The following MARCHF4 variants were observed in gnomAD, a reference collection of about 807,000 sequenced individuals.
MARCHF4 encodes membrane associated ring-CH-type finger 4.
In MARCHF4, 14 loss-of-function variants were observed where a neutral mutation model predicts 43.9. The observed-to-expected ratio is 0.32, with a 90% CI of 0.21 to 0.50. The LOEUF (loss-of-function observed/expected upper bound fraction) is 0.50. Ranked by LOEUF, MARCHF4 falls within the 20% of genes least tolerant of loss-of-function variation. The probability of loss-of-function intolerance (pLI) is 0.98; values close to 1 mark genes in which losing one functional copy is unlikely to be tolerated. For synonymous variants in MARCHF4, 226 were observed against 213.3 expected (o/e 1.06, Z -0.52); for missense variants, 468 against 536.7 (o/e 0.87, Z 1.27).
At chr2:216,332,296 G>A (rs1340759470) in intron 1 of MARCHF4, among the ~76,000 whole-genome samples, 2 of 151,602 alleles carry the variant, frequency 1.3e-5, no homozygotes, top group Non-Finnish European at 2.9e-5. Flanking sequence ...GGACGCTGAG[G>A]CACAAGAATC....
chr2:216,268,913 C>T (rs1157245687), intron 3 of MARCHF4, among the ~76,000 whole-genome samples: 1 of 152,092 alleles, frequency 6.6e-6, no homozygotes, highest in African/African-American at 2.4e-5. Flanking sequence ...ATCCTGCTGC[C>T]CCCATCCTCT....
At chr2:216,354,908 TTTC>T (rs1692462967) in intron 1 of MARCHF4, among the ~76,000 whole-genome samples, 1 of 74,108 alleles carries the variant, frequency 1.3e-5, no homozygotes, top group Non-Finnish European at 2.6e-5. Flanking sequence ...TCTTTCTTTC[TTTC>T]TTTCTTTCTT....
intron 1 of MARCHF4, among the ~76,000 whole-genome samples, chr2:216,300,133 G>A (rs1038655734): frequency 9.9e-5 from 15 of 151,956 alleles, no homozygotes; most frequent in African/African-American, 3.1e-4. Flanking sequence ...TGTGACCTTG[G>A]GCAATTCCCT....
Position 216,321,227 on chromosome 2 carries a change from C to A in MARCHF4, c.517-37498G>T, listed in dbSNP as rs115803284. Among the ~76,000 whole-genome samples, 317 of 152,084 alleles carry A rather than the reference C, an allele frequency of 2.1e-3. 2 individuals carry two copies. Among genetic ancestry groups the A allele is most frequent in the African/African-American group, 7.5e-3 (312 of 41,480 alleles). On this transcript the variant is annotated intron_variant, in intron 1 of 3. Coordinates refer to ENST00000273067, the MANE Select transcript of MARCHF4 (RefSeq NM_020814.3). ...CCTCCCATCCATTCATTCAGTCAAA[C>A]AAATATTAAATTAGATACCGACTAT... is the stretch of plus-strand genomic sequence containing the variant.
At chr2:216,364,703 A>T (rs1217074416) in intron 1 of MARCHF4, among the ~76,000 whole-genome samples, 4 of 152,218 alleles carry the variant, frequency 2.6e-5, no homozygotes, top group Admixed American at 2.6e-4. Flanking sequence ...GAGCTTGGAC[A>T]AGCCAGCAGG....
At position 216,259,474 on chromosome 2, in the gene MARCHF4, A is replaced by C. The variant is rs1381198907; in HGVS notation, c.1071T>G (p.Pro357=). Residue 357 remains proline (P), a synonymous_variant, in exon 4 of 4, where the codon CCT becomes CCG. Coordinates refer to ENST00000273067, the MANE Select transcript of MARCHF4 (RefSeq NM_020814.3). Reference sequence around the variant, plus strand: ...CGGCAGCCTGGGCAGGGCCCTGCTCAGGGGCAGGGGTGCCTGCGGTCTCCT... The same window carrying C: ...CGGCAGCCTGGGCAGGGCCCTGCTCCGGGGCAGGGGTGCCTGCGGTCTCCT... ...SEEETAGTPA[P]EQGPAQAAGH... is the part of the protein sequence containing the mutation. 2.5e-6 allele frequency: 4 copies of C among 1,613,962 alleles called. No homozygotes were observed. The highest frequency in any genetic ancestry group is 1.3e-5 in the African/African-American group (1 of 74,888).
At chr2:216,298,483 C>A (rs993201500) in intron 1 of MARCHF4, among the ~76,000 whole-genome samples, 2 of 152,060 alleles carry the variant, frequency 1.3e-5, no homozygotes, top group African/African-American at 4.8e-5. Flanking sequence ...CCAGGCTGGT[C>A]TCAAACTCCT....
chr2:216,262,467 A>C (rs1203266714), intron 3 of MARCHF4, among the ~76,000 whole-genome samples: 2 of 152,212 alleles, frequency 1.3e-5, no homozygotes, highest in Non-Finnish European at 2.9e-5. Flanking sequence ...TGGGGATGAG[A>C]ATACGAAAGG....
chr2:216,353,116 G>A (rs1376790394), intron 1 of MARCHF4, among the ~76,000 whole-genome samples: 1 of 152,034 alleles, frequency 6.6e-6, no homozygotes, highest in Admixed American at 6.5e-5. Flanking sequence ...TCTAACCACG[G>A]AGCCTAACTT....
chr2:216,284,448 G>C (rs1052858359), intron 1 of MARCHF4, among the ~76,000 whole-genome samples: 4 of 152,138 alleles, frequency 2.6e-5, no homozygotes, highest in Admixed American at 6.6e-5. Flanking sequence ...GATGGCCATG[G>C]CTGAAACCTG....
chr2:216,310,065 G>A (rs73988366), intron 1 of MARCHF4, among the ~76,000 whole-genome samples: 1,589 of 149,792 alleles, frequency 0.011, 25 homozygotes, highest in African/African-American at 0.037. Flanking sequence ...CCCATTTTAT[G>A]ATAGGCAAAG....
At chr2:216,299,461 C>G (rs1208076080) in intron 1 of MARCHF4, among the ~76,000 whole-genome samples, 1 of 152,072 alleles carries the variant, frequency 6.6e-6, no homozygotes, top group African/African-American at 2.4e-5. Context: ...CTGCCCACCA[C>G]CACCCTCTGT....
At chr2:216,269,733 T>G (rs1240203914) in intron 3 of MARCHF4, among the ~76,000 whole-genome samples, 1 of 152,184 alleles carries the variant, frequency 6.6e-6, no homozygotes, top group Non-Finnish European at 1.5e-5. Context: ...GTTATTATCC[T>G]ATTTCATAGA....
chr2:216,285,776 A>C (rs1363902786), intron 1 of MARCHF4, among the ~76,000 whole-genome samples: 2 of 152,206 alleles, frequency 1.3e-5, no homozygotes. Flanking sequence ...GGAGGGGTGG[A>C]ATTCCTCATT....
At chr2:216,307,891 T>A (rs1461261753) in intron 1 of MARCHF4, among the ~76,000 whole-genome samples, 2 of 151,578 alleles carry the variant, frequency 1.3e-5, no homozygotes, top group Non-Finnish European at 2.9e-5. Flanking sequence ...ACAGAAAAAT[T>A]TAAAATTTAA....
At chr2:216,325,340 T>A (rs1312790720) in intron 1 of MARCHF4, among the ~76,000 whole-genome samples, 1 of 152,202 alleles carries the variant, frequency 6.6e-6, no homozygotes, top group Non-Finnish European at 1.5e-5. Context: ...GGAAGAATAT[T>A]CCATGCTCAT....
At chr2:216,361,921 G>A (rs926983513) in intron 1 of MARCHF4, among the ~76,000 whole-genome samples, 2 of 152,160 alleles carry the variant, frequency 1.3e-5, no homozygotes, top group African/African-American at 4.8e-5. Flanking sequence ...TGTGTGCCTA[G>A]ATCTTTAATG....
chr2:216,369,605 A>G lies in MARCHF4; in HGVS notation c.516+140T>C, dbSNP rs529663200. 11 of 663,808 alleles carry G rather than the reference A, an allele frequency of 1.7e-5. No individual in the cohort carries two copies. In the East Asian group the frequency reaches 2.5e-4, roughly 15 times the overall value. The allele number at this position is 663,808 out of a possible 1,614,324, so 41.1% of individuals were successfully genotyped here. On this transcript the variant is annotated intron_variant, in intron 1 of 3. Transcript: ENST00000273067. ...CACTCATTGGGCAAACTTAACCACA[A>G]GAAACATCAATGAGGGCTCTTAAAC...
At chr2:216,321,863 A>G (rs1691901147) in intron 1 of MARCHF4, 1 of 152,242 alleles carries the variant, frequency 6.6e-6, no homozygotes, top group Admixed American at 6.5e-5. Flanking sequence ...CTCCAGGAAG[A>G]ATCAGCCTTG....
Sources: allele counts gnomAD v4.1 joint callset (sites outside exome capture counted in the v4.1 genomes callset), GRCh38; gene constraint gnomAD v4.1.1; transcripts MANE v1.5; gene names NCBI Gene and HGNC (gene_info 2026-07-23, HGNC 2026-07-21).